Variants in MMS22L observed in about 807,000 individuals in gnomAD.
MMS22L encodes the protein MMS22 like, DNA repair protein, also known as protein MMS22-like.
MMS22L carries 74 observed loss-of-function variants against 159.1 expected under a neutral mutation model. The observed-to-expected ratio is 0.47, with a 90% CI of 0.39 to 0.56. The LOEUF (loss-of-function observed/expected upper bound fraction) is 0.56, where lower values mean the gene tolerates loss of function less well. Ranked by LOEUF, MMS22L falls within the 20% of genes least tolerant of loss-of-function variation. The pLI, the probability that MMS22L is intolerant of heterozygous loss-of-function variation, is 0.00. For missense variants in MMS22L, 1,351 were observed against 1,422.1 expected (o/e 0.95, Z 0.80); for synonymous variants, 517 against 506.9 (o/e 1.02, Z -0.27).
chr6:97,142,236 A>G lies in MMS22L; in HGVS notation c.*4570T>C, dbSNP rs1319055078. The G allele has an allele frequency of 6.6e-6, 1 of 152,006 alleles. No homozygotes were observed. The highest frequency in any genetic ancestry group is 6.6e-5 in the Admixed American group (1 of 15,262). 9.4% of individuals were successfully genotyped at this position (152,006 alleles called of 1,614,324 possible). A position where few individuals can be genotyped will look rare whatever the true frequency, so the allele number is the denominator to read the frequency against. ...AATAACTCATAAATATGTATATAAA[A>G]CTAAAATGTCCACAATTTTTCTAAA... On this transcript the variant is annotated 3_prime_UTR_variant, in exon 25 of 25. Coordinates refer to ENST00000683635, the MANE Select transcript of MMS22L (RefSeq NM_001350599.2).
chr6:97,178,294 T>C, intron 18 of MMS22L, 149 bp downstream of exon 18: 1 of 554,860 alleles, frequency 1.8e-6, no homozygotes, highest in South Asian at 3.6e-5. Flanking sequence ...CACATTTTTC[T>C]TCCTCCAGAA....
chr6:97,185,947 T>C (rs958592639), intron 15 of MMS22L, among the ~76,000 whole-genome samples: 2 of 152,076 alleles, frequency 1.3e-5, no homozygotes, highest in African/African-American at 4.8e-5. Flanking sequence ...AATTCTTACC[T>C]ATAATTTCAT....
In MMS22L at chr6:97,209,078, A is replaced by T. The variant is rs571532859; in HGVS notation, c.2039+19816T>A. 8.5e-5 allele frequency among the ~76,000 whole-genome samples: 13 copies of T among 152,088 alleles called. No individual in the cohort carries two copies. The East Asian group carries it at 2.5e-3, about 29-fold the overall frequency. On this transcript the variant is annotated intron_variant, in intron 14 of 24. Transcript: ENST00000683635. ...TATAAATCCTACTTCTTGAATACCC[A>T]GTTCAAAGGCCATCTATTTCAAAAT...
intron 17 of MMS22L, among the ~76,000 whole-genome samples, 198 bp downstream of exon 17, chr6:97,179,210 T>C (rs1043138750): frequency 5.3e-5 from 8 of 152,106 alleles, no homozygotes; most frequent in Non-Finnish European, 1.0e-4. Context: ...GTTTGTCATA[T>C]ATAGTAACAG....
chr6:97,259,560 G>A (rs1371799792), intron 9 of MMS22L: 1 of 151,978 alleles, frequency 6.6e-6, no homozygotes, highest in Non-Finnish European at 1.5e-5. Context: ...TTACACCATT[G>A]GCTTTCCTGG....
rs1800789837 is a variant in MMS22L at position 97,144,239 on chromosome 6, C to G, written c.*2567G>C. The G allele has an allele frequency of 6.6e-6, 1 of 151,824 alleles. No homozygotes were observed. The highest frequency in any genetic ancestry group is 2.4e-5 in the African/African-American group (1 of 41,326). 9.4% of individuals were successfully genotyped at this position (151,824 alleles called of 1,614,324 possible). A position where few individuals can be genotyped will look rare whatever the true frequency, so the allele number is the denominator to read the frequency against. On this transcript the variant is annotated 3_prime_UTR_variant, in exon 25 of 25. Transcript: ENST00000683635. Reference sequence around the variant, plus strand: ...CAGGAAAGAAGACCATGAAGGTGCTCTCAAGATACAGTGGTCATTTTTGGT... The same window carrying G: ...CAGGAAAGAAGACCATGAAGGTGCTGTCAAGATACAGTGGTCATTTTTGGT...
At chr6:97,161,918 T>C in intron 22 of MMS22L, 84 bp downstream of exon 22, 1 of 1,300,524 alleles carries the variant, frequency 7.7e-7, no homozygotes, top group Non-Finnish European at 1.1e-6. Context: ...ATATATTTTG[T>C]AACTATCCAT....
intron 15 of MMS22L, 33 bp from the exon 16 acceptor site, chr6:97,182,087 G>T: frequency 1.3e-6 from 2 of 1,576,064 alleles, no homozygotes; most frequent in Non-Finnish European, 8.6e-7. Context: ...TTAAAGTCAG[G>T]AATCTTTAAA....
intron 14 of MMS22L, among the ~76,000 whole-genome samples, chr6:97,190,973 C>G (rs1805801001): frequency 6.6e-6 from 1 of 152,182 alleles, no homozygotes; most frequent in African/African-American, 2.4e-5. Flanking sequence ...TATTTTAGCT[C>G]AGTTACCCTG....
chr6:97,182,348 T>G (rs956757535), intron 15 of MMS22L, among the ~76,000 whole-genome samples: 1 of 152,190 alleles, frequency 6.6e-6, no homozygotes, highest in African/African-American at 2.4e-5. Context: ...CCTGAGGTTT[T>G]GGCTAATGTG....
At chr6:97,273,274 C>G (rs190250491) in intron 4 of MMS22L, among the ~76,000 whole-genome samples, 1 of 152,268 alleles carries the variant, frequency 6.6e-6, no homozygotes, top group East Asian at 1.9e-4. Flanking sequence ...ATAGACAGTG[C>G]CTACCCTCAA....
chr6:97,281,614 A>G (rs1290266786), intron 2 of MMS22L, among the ~76,000 whole-genome samples: 1 of 152,222 alleles, frequency 6.6e-6, no homozygotes, highest in Admixed American at 6.5e-5. Flanking sequence ...TCTAAAAAAC[A>G]TATTTCTGCC....
intron 19 of MMS22L, among the ~76,000 whole-genome samples, chr6:97,169,455 C>T (rs1018591110): frequency 4.6e-5 from 7 of 151,786 alleles, no homozygotes; most frequent in South Asian, 2.1e-4. Context: ...AAAGCAAAAA[C>T]GATAAAATTC....
At chr6:97,250,360 T>G (rs985251748) in intron 10 of MMS22L, among the ~76,000 whole-genome samples, 18 of 152,332 alleles carry the variant, frequency 1.2e-4, no homozygotes, top group African/African-American at 4.3e-4. Flanking sequence ...TAAGGTTACA[T>G]TTCACACTTT....
At chr6:97,186,297 A>G (rs1348932678) in intron 15 of MMS22L, among the ~76,000 whole-genome samples, 200 bp downstream of exon 15, 1 of 152,214 alleles carries the variant, frequency 6.6e-6, no homozygotes, top group Non-Finnish European at 1.5e-5. Flanking sequence ...ATAGAAAATT[A>G]TCTTATTTTT....
intron 14 of MMS22L, among the ~76,000 whole-genome samples, chr6:97,205,353 T>C (rs1427014741): frequency 6.6e-6 from 1 of 152,154 alleles, no homozygotes; most frequent in Non-Finnish European, 1.5e-5. Context: ...TTCTTCCTGT[T>C]GTTTTACAAT....
chr6:97,256,760 G>C (rs1284605651), intron 9 of MMS22L, among the ~76,000 whole-genome samples: 1 of 152,062 alleles, frequency 6.6e-6, no homozygotes, highest in Non-Finnish European at 1.5e-5. Context: ...AGACCAACCT[G>C]GGCAGACCAG....
intron 22 of MMS22L, among the ~76,000 whole-genome samples, chr6:97,154,281 A>G (rs1801616000): frequency 6.6e-6 from 1 of 152,180 alleles, no homozygotes; most frequent in Non-Finnish European, 1.5e-5. Context: ...ATGCCTATTC[A>G]GATTCATTGC....
At chr6:97,165,838 A>C (rs1299957431) in intron 20 of MMS22L, among the ~76,000 whole-genome samples, 3 of 152,100 alleles carry the variant, frequency 2.0e-5, no homozygotes, top group Non-Finnish European at 2.9e-5. Context: ...GGTACTGGTT[A>C]TTTTGTCTAA....
Sources: allele counts gnomAD v4.1 joint callset (sites outside exome capture counted in the v4.1 genomes callset), GRCh38; gene constraint gnomAD v4.1.1; transcripts MANE v1.5; gene names NCBI Gene and HGNC (gene_info 2026-07-23, HGNC 2026-07-21).